Variants in SHCBP1L observed in about 807,000 individuals in gnomAD.
The protein encoded by SHCBP1L is SHC binding and spindle associated 1 like.
In SHCBP1L, 67 loss-of-function variants were observed where a neutral mutation model predicts 62.5. The ratio of observed to expected loss-of-function variants is 1.07; its 90% CI spans 0.88 to 1.31. The LOEUF is 1.31. Among genes scored for constraint, SHCBP1L ranks in the 40% most tolerant of loss-of-function variants. SHCBP1L has a pLI of 0.00. For synonymous variants in SHCBP1L, 284 were observed against 289.4 expected, an observed-to-expected ratio of 0.98 and a Z score of 0.19; for missense variants, 823 against 809.8, an observed-to-expected ratio of 1.02 and a Z score of -0.20.
At chr1:182,904,542 T>C (rs1016424234) in intron 7 of SHCBP1L, 112 bp from the exon 8 acceptor site, 22 of 643,484 alleles carry the variant, frequency 3.4e-5, no homozygotes, top group Admixed American at 1.6e-4. Context: ...TGCGTGTGTG[T>C]GTGTGTGTGT....
At chr1:182,903,679 T>TAAAG (rs139761448) in intron 8 of SHCBP1L, among the ~76,000 whole-genome samples, 14,078 of 152,128 alleles carry the variant, frequency 0.093, 933 homozygotes, top group African/African-American at 0.18. Context: ...TATTTATTGT[T>TAAAG]AAAGACAAGG....
At position 182,952,932 on chromosome 1, in the gene SHCBP1L, G is replaced by T. The variant is rs188196867; in HGVS notation, c.202C>A (p.Leu68Met). The change falls in exon 1 of 10, where the codon CTG becomes ATG. Residue 68 changes from leucine (L) to methionine (M), a missense_variant. By Grantham distance (15) the Leu-to-Met change is conservative. Coordinates refer to ENST00000367547, the MANE Select transcript of SHCBP1L (RefSeq NM_030933.4). ...GCCGCGGGCAGGCGCTGGAGCCGCA[G>T]CCTGGCCGTCTCCCGGCCCGCTTTC... ...KGKAGRETAR[L>M]RLQRLPAAQA... The T allele has an allele frequency of 0.033, 51,752 of 1,556,414 alleles. 1,075 individuals are homozygous for T. The highest frequency in any genetic ancestry group is 0.071 in the Admixed American group (3,691 of 52,348).
intron 1 of SHCBP1L, among the ~76,000 whole-genome samples, chr1:182,952,271 T>A (rs1030502494): frequency 1.6e-4 from 21 of 129,104 alleles, no homozygotes; most frequent in African/African-American, 5.6e-4. Context: ...TTTATATATA[T>A]ATATACACAC....
At chr1:182,921,299 A>G (rs1334025851) in intron 6 of SHCBP1L, among the ~76,000 whole-genome samples, 1 of 152,196 alleles carries the variant, frequency 6.6e-6, no homozygotes, top group Non-Finnish European at 1.5e-5. Context: ...AAGGTAAGAA[A>G]ATGCTAAGAA....
At chr1:182,921,134 G>T (rs1249207909) in intron 6 of SHCBP1L, among the ~76,000 whole-genome samples, 3 of 152,014 alleles carry the variant, frequency 2.0e-5, no homozygotes, top group African/African-American at 7.3e-5. Context: ...AGGAGAGGCA[G>T]GTCACCTACA....
rs180690888 is a variant in SHCBP1L at position 182,906,440 on chromosome 1, T to C, written c.1183-791A>G. On this transcript the variant is annotated intron_variant, in intron 6 of 9. Coordinates refer to ENST00000367547, the MANE Select transcript of SHCBP1L (RefSeq NM_030933.4). ...AGTAAATGAACAAAATTCTTTTTTT[T>C]TTTTTTCCGAGATCGAATTTCACTC... is the stretch of plus-strand genomic sequence containing the variant. 1.2e-3 allele frequency among the ~76,000 whole-genome samples: 184 copies of C among 152,064 alleles called. 1 individual carries two copies. Among genetic ancestry groups the C allele is most frequent in the Middle Eastern group, 6.8e-3 (2 of 294 alleles).
intron 6 of SHCBP1L, among the ~76,000 whole-genome samples, chr1:182,923,715 C>T (rs1385158225): frequency 6.6e-6 from 1 of 152,172 alleles, no homozygotes; most frequent in Non-Finnish European, 1.5e-5. Flanking sequence ...TCTCAACAAG[C>T]TAGGCACTTA....
At chr1:182,909,429 T>G (rs765277819) in intron 6 of SHCBP1L, among the ~76,000 whole-genome samples, 1 of 152,104 alleles carries the variant, frequency 6.6e-6, no homozygotes, top group African/African-American at 2.4e-5. Flanking sequence ...TTTAACAAAC[T>G]GGCGGAAACA....
intron 9 of SHCBP1L, 58 bp downstream of exon 9, chr1:182,902,981 G>T (rs1649889150): frequency 7.5e-7 from 1 of 1,326,896 alleles, no homozygotes; most frequent in Non-Finnish European, 1.0e-6. Context: ...TAATATTTTA[G>T]TACTTATAAT....
At chr1:182,932,205 C>A (rs1290794814) in intron 5 of SHCBP1L, among the ~76,000 whole-genome samples, 2 of 151,824 alleles carry the variant, frequency 1.3e-5, no homozygotes, top group Non-Finnish European at 2.9e-5. Context: ...TGCTGAAGGA[C>A]ATTTTGGTTG....
intron 6 of SHCBP1L, among the ~76,000 whole-genome samples, chr1:182,915,806 CT>C (rs535677579): frequency 0.19 from 25,175 of 133,052 alleles, 2,744 homozygotes; most frequent in African/African-American, 0.41. Flanking sequence ...ACAACGTATT[CT>C]TTTTTTTTTT....
intron 6 of SHCBP1L, among the ~76,000 whole-genome samples, chr1:182,919,218 CT>C (rs1650447911): frequency 1.3e-5 from 2 of 152,156 alleles, no homozygotes; most frequent in African/African-American, 4.8e-5. Flanking sequence ...AATTTATTAG[CT>C]CACAGTTCTG....
chr1:182,952,227 TATATATATACACAC>T (rs1651793683), intron 1 of SHCBP1L, among the ~76,000 whole-genome samples: 2 of 61,940 alleles, frequency 3.2e-5, no homozygotes, highest in African/African-American at 1.8e-4. Flanking sequence ...TATATATATA[TATATATATACACAC>T]ACACACACAC....
intron 5 of SHCBP1L, among the ~76,000 whole-genome samples, chr1:182,936,132 T>TG (rs1361459866): frequency 0.23 from 1,862 of 7,980 alleles, 34 homozygotes; most frequent in African/African-American, 0.33. Flanking sequence ...TGTTTTTTGT[T>TG]TTTTTTTTTT....
In SHCBP1L at chr1:182,940,347, A is replaced by G; in HGVS notation, c.752T>C (p.Leu251Ser). Reference sequence around the variant, plus strand: ...CTAATACCTGACAACTTCCAAGGCCAAAGCAATAACATGTATATCAGTATC... The same window carrying G: ...CTAATACCTGACAACTTCCAAGGCCGAAGCAATAACATGTATATCAGTATC... Reference protein sequence around the residue: ...GQDTDIHVIALALEVVRFFYD... With the variant: ...GQDTDIHVIASALEVVRFFYD... The change falls in exon 3 of 10, where the codon TTG (leucine) becomes TCG (serine). Residue 251 changes from leucine (L) to serine (S), a missense_variant. Physicochemically the swap from Leu to Ser is moderately radical, Grantham distance 145. Coordinates refer to ENST00000367547, the MANE Select transcript of SHCBP1L (RefSeq NM_030933.4). 1 of 1,613,874 alleles carries G rather than the reference A, an allele frequency of 6.2e-7. No individual in the cohort carries two copies. Among genetic ancestry groups the G allele is most frequent in the East Asian group, 2.2e-5 (1 of 44,832 alleles).
In SHCBP1L at chr1:182,952,943, T is replaced by C; in HGVS notation, c.191A>G (p.Glu64Gly). The C allele has an allele frequency of 6.4e-7, 1 of 1,551,032 alleles. No individual in the cohort carries two copies. Among genetic ancestry groups the C allele is most frequent in the Non-Finnish European group, 8.7e-7 (1 of 1,150,064 alleles). The stretch of plus-strand genomic sequence containing the variant: ...GCGCTGGAGCCGCAGCCTGGCCGTC[T>C]CCCGGCCCGCTTTCCCCTTCACCGG... Reference protein sequence around the residue: ...PRPVKGKAGRETARLRLQRLP... With the variant: ...PRPVKGKAGRGTARLRLQRLP... The change falls in exon 1 of 10, where the codon GAG (glutamate) becomes GGG (glycine). Residue 64 changes from glutamate to glycine, a missense_variant. Glu to Gly is a moderately conservative substitution (Grantham distance 98). Transcript: ENST00000367547.
At chr1:182,905,103 A>G (rs1489075042) in intron 7 of SHCBP1L, among the ~76,000 whole-genome samples, 1 of 152,228 alleles carries the variant, frequency 6.6e-6, no homozygotes, top group Non-Finnish European at 1.5e-5. Context: ...TTCAACGTCA[A>G]AAAGAGAGAA....
At chr1:182,947,353 G>A (rs1015696350) in intron 2 of SHCBP1L, among the ~76,000 whole-genome samples, 2 of 151,904 alleles carry the variant, frequency 1.3e-5, no homozygotes, top group Admixed American at 6.6e-5. Context: ...CCACATTTCC[G>A]ATTTTCATAG....
rs371432299 is a variant in SHCBP1L, at chr1:182,915,161, C to CAAAAAAAAAAAA, written c.1183-9524_1183-9513dup. On this transcript the variant is annotated intron_variant, in intron 6 of 9. Coordinates refer to ENST00000367547, the MANE Select transcript of SHCBP1L (RefSeq NM_030933.4). ...TGGGCAACAGAGGCAGACTCTGTCT[C>CAAAAAAAAAAAA]AAAAAAAAAAAAAAAAAAAAAAAAA... Among the ~76,000 whole-genome samples the CAAAAAAAAAAAA allele has an allele frequency of 2.8e-4, 9 of 31,904 alleles. 1 individual carries two copies. Among genetic ancestry groups the CAAAAAAAAAAAA allele is most frequent in the African/African-American group, 4.7e-4 (6 of 12,638 alleles). 20.9% of individuals were successfully genotyped at this position (31,904 alleles called of 152,430 possible). A position where few individuals can be genotyped will look rare whatever the true frequency, so the allele number is the denominator to read the frequency against.
Sources: gnomAD v4.1 joint callset for allele counts (sites outside exome capture counted in the v4.1 genomes callset) on GRCh38, gnomAD v4.1.1 for gene constraint, MANE v1.5 for transcripts, NCBI Gene and HGNC (gene_info 2026-07-23, HGNC 2026-07-21) for gene names.